Variants in NFASC observed in about 807,000 individuals in gnomAD.
The protein encoded by NFASC is neurofascin.
NFASC carries 43 observed loss-of-function variants against 147.5 expected under a neutral mutation model. The observed-to-expected ratio is 0.29, with a 90% CI of 0.23 to 0.38. The LOEUF (loss-of-function observed/expected upper bound fraction) is 0.38. Ranked by LOEUF, NFASC falls within the 10% of genes least tolerant of loss-of-function variation. NFASC has a pLI of 1.00. For missense variants in NFASC, 1,320 were observed against 1,689.0 expected, an observed-to-expected ratio of 0.78 and a Z score of 3.83; for synonymous variants, 622 against 665.5, an observed-to-expected ratio of 0.93 and a Z score of 1.01.
chr1:204,926,432 T>G (rs1370353613), intron 2 of NFASC, among the ~76,000 whole-genome samples: 2 of 131,812 alleles, frequency 1.5e-5, no homozygotes, highest in African/African-American at 2.9e-5. Flanking sequence ...TTTTTTTTTT[T>G]TGAGAGAGGG....
At chr1:204,929,757 C>A (rs2092161519) in intron 2 of NFASC, among the ~76,000 whole-genome samples, 1 of 152,010 alleles carries the variant, frequency 6.6e-6, no homozygotes, top group African/African-American at 2.4e-5. Flanking sequence ...CCTGCCTCTT[C>A]CCCTTCTAAT....
chr1:205,012,768 C>CTGTGTCTT, intron 28 of NFASC, 29 bp from the exon 29 acceptor site: 1 of 1,553,542 alleles, frequency 6.4e-7, no homozygotes, highest in Non-Finnish European at 8.9e-7. Context: ...ATCGTCGTGT[C>CTGTGTCTT]TGTGTCTTTG....
chr1:204,883,712 T>A (rs1282933682), intron 1 of NFASC, among the ~76,000 whole-genome samples: 1 of 152,220 alleles, frequency 6.6e-6, no homozygotes, highest in Non-Finnish European at 1.5e-5. Flanking sequence ...TATCACTGCT[T>A]AGTTCTGCAC....
At chr1:204,857,982 C>T (rs1037091720) in intron 1 of NFASC, among the ~76,000 whole-genome samples, 12 of 143,498 alleles carry the variant, frequency 8.4e-5, no homozygotes, top group Admixed American at 2.9e-4. Flanking sequence ...TGCAATGGCG[C>T]GATCTCAGCT....
At chr1:204,890,951 C>A (rs1444255728) in intron 1 of NFASC, among the ~76,000 whole-genome samples, 2 of 152,170 alleles carry the variant, frequency 1.3e-5, no homozygotes, top group African/African-American at 4.8e-5. Flanking sequence ...ATGGTCTCAC[C>A]CTGGTAGTGG....
At chr1:204,962,124 C>G in intron 8 of NFASC, 1 of 1,613,696 alleles carries the variant, frequency 6.2e-7, no homozygotes, top group Non-Finnish European at 8.5e-7. Flanking sequence ...CTTATAATGA[C>G]TCGTCCTTAA....
At chr1:204,936,192 CTCTTTCTT>C (rs2092812591) in intron 2 of NFASC, among the ~76,000 whole-genome samples, 1 of 115,018 alleles carries the variant, frequency 8.7e-6, no homozygotes, top group South Asian at 2.9e-4. Flanking sequence ...CCCTCTCTCT[CTCTTTCTT>C]TTTCTTTTTT....
At chr1:204,832,943 A>G (rs947788647) in intron 1 of NFASC, among the ~76,000 whole-genome samples, 2 of 152,220 alleles carry the variant, frequency 1.3e-5, no homozygotes, top group African/African-American at 4.8e-5. Context: ...GCTAAGGCCC[A>G]GGTCTAGCTG....
Position 204,846,170 on chromosome 1 carries a change from A to G in NFASC, c.-200+17388A>G, listed in dbSNP as rs999660353. 2.0e-5 allele frequency among the ~76,000 whole-genome samples: 3 copies of G among 151,612 alleles called. No homozygotes were observed. In the South Asian group the frequency reaches 6.3e-4, roughly 32 times the overall value. The stretch of plus-strand genomic sequence containing the variant: ...CCAGGAGTTTGAGGCCAGCCAGAGC[A>G]AGACAGTGAGAAGTGAGATCCTGTC... On this transcript the variant is annotated intron_variant, in intron 1 of 29. Coordinates refer to ENST00000339876, the MANE Select transcript of NFASC (RefSeq NM_001005388.3).
chr1:205,018,366 C>T lies in NFASC; in HGVS notation c.*1827C>T, dbSNP rs146113890. ...AGCAACATTTGCCACATGTTTAAGCCGCAAAGGTATTAGCAATGCTTGCAT... is the reference window on the plus strand; with the variant it reads ...AGCAACATTTGCCACATGTTTAAGCTGCAAAGGTATTAGCAATGCTTGCAT... On this transcript the variant is annotated 3_prime_UTR_variant, in exon 30 of 30. Coordinates refer to ENST00000339876, the MANE Select transcript of NFASC (RefSeq NM_001005388.3). 129 of 152,790 alleles carry T rather than the reference C, an allele frequency of 8.4e-4. 2 individuals are homozygous for T. Among genetic ancestry groups the T allele is most frequent in the East Asian group, 1.2e-3 (6 of 5,194 alleles). The allele number at this position is 152,790 out of a possible 1,614,324, so 9.5% of individuals were successfully genotyped here.
At chr1:204,973,061 T>C (rs182804088) in intron 11 of NFASC, among the ~76,000 whole-genome samples, 22 of 152,308 alleles carry the variant, frequency 1.4e-4, no homozygotes, top group African/African-American at 4.8e-4. Context: ...TTCCATACTC[T>C]AGGCTAGATT....
In NFASC at chr1:204,944,118, T is replaced by C. The variant is rs568480715; in HGVS notation, c.-90-108T>C. ...AAGAAACTCTGCTCTATCTAGAACA[T>C]TACTCTGTGACCAAGGGGGCTCTTC... is the stretch of plus-strand genomic sequence containing the variant. On this transcript the variant is annotated intron_variant, in intron 2 of 29. Coordinates refer to ENST00000339876, the MANE Select transcript of NFASC (RefSeq NM_001005388.3). 2.3e-3 allele frequency: 2,178 copies of C among 942,816 alleles called. 50 individuals are homozygous for C. In the South Asian group the frequency reaches 0.03, roughly 13 times the overall value. The allele number at this position is 942,816 out of a possible 1,614,324, so 58.4% of individuals were successfully genotyped here. A position where few individuals can be genotyped will look rare whatever the true frequency, so the allele number is the denominator to read the frequency against.
chr1:204,920,737 G>T lies in NFASC; in HGVS notation c.-94G>T. The T allele has an allele frequency of 7.8e-7, 1 of 1,284,874 alleles. No individual in the cohort carries two copies. Among genetic ancestry groups the T allele is most frequent in the South Asian group, 1.2e-5 (1 of 80,940 alleles). 79.6% of individuals were successfully genotyped at this position (1,284,874 alleles called of 1,614,324 possible). A position where few individuals can be genotyped will look rare whatever the true frequency, so the allele number is the denominator to read the frequency against. On this transcript the variant is annotated 5_prime_UTR_variant, in exon 2 of 30. Transcript: ENST00000339876. ...CAAGGAAGAGGCTGAATGAGGCAGA[G>T]AAGGTAAGCAGGACTTGGGCCTGGG... is the stretch of plus-strand genomic sequence containing the variant.
In NFASC at chr1:204,957,711, A is replaced by G. The variant is rs2094493174; in HGVS notation, c.591A>G (p.Leu197=). ...KRVSQGHNGD[L]YFSNVMLQDM... is the part of the protein sequence containing the mutation. Reference sequence around the variant, plus strand: ...TCTCTCAGGGCCATAACGGAGACCTATACTTCTCCAACGTGATGCTGCAGG... The same window carrying G: ...TCTCTCAGGGCCATAACGGAGACCTGTACTTCTCCAACGTGATGCTGCAGG... Residue 197 remains leucine (L), a synonymous_variant, in exon 8 of 30, where the codon CTA becomes CTG. Transcript: ENST00000339876. The G allele has an allele frequency of 1.2e-6, 2 of 1,614,150 alleles. No homozygotes were observed. The highest frequency in any genetic ancestry group is 8.5e-7 in the Non-Finnish European group (1 of 1,180,010).
At position 204,980,448 on chromosome 1, in the gene NFASC, G is replaced by A; in HGVS notation, c.2247+8G>A. The stretch of plus-strand genomic sequence containing the variant: ...ATGGAGATCACGTGGACGGTAAGAG[G>A]CCCTCCCAGCCCCAGTGGAGCAGCT... On this transcript the variant is annotated splice_region_variant and intron_variant, in intron 20 of 29. Coordinates refer to ENST00000339876, the MANE Select transcript of NFASC (RefSeq NM_001005388.3). 2 of 1,606,270 alleles carry A rather than the reference G, an allele frequency of 1.2e-6. No individual in the cohort carries two copies. Among genetic ancestry groups the A allele is most frequent in the Non-Finnish European group, 8.5e-7 (1 of 1,174,650 alleles).
chr1:204,946,872 C>G, intron 3 of NFASC: 1 of 461,724 alleles, frequency 2.2e-6, no homozygotes, highest in Admixed American at 2.2e-5. Flanking sequence ...CGCCCTGGAC[C>G]GCCTCATGGT....
chr1:204,926,148 C>T (rs2149501111), intron 2 of NFASC, among the ~76,000 whole-genome samples: 1 of 151,448 alleles, frequency 6.6e-6, no homozygotes, highest in South Asian at 2.1e-4. Flanking sequence ...TACAAATCCC[C>T]AAACCTAATT....
chr1:204,988,598 C>G, intron 22 of NFASC, 35 bp from the exon 23 acceptor site: 1 of 1,598,888 alleles, frequency 6.3e-7, no homozygotes, highest in South Asian at 1.1e-5. Flanking sequence ...ATAAATGTTG[C>G]TAAAGTTTAA....
rs776121905 is a variant in NFASC, at chr1:205,012,870, C to T, written c.3491+4C>T. 5.8e-5 allele frequency: 93 copies of T among 1,604,784 alleles called. No homozygotes were observed. Among genetic ancestry groups the T allele is most frequent in the East Asian group, 8.9e-5 (4 of 44,850 alleles). On this transcript the variant is annotated splice_donor_region_variant and intron_variant, in intron 29 of 29. Coordinates refer to ENST00000339876, the MANE Select transcript of NFASC (RefSeq NM_001005388.3). Reference sequence around the variant, plus strand: ...AGGATGGCTCATTTGACTATAGGTGCGTGATCTCCCTCCTCCTCTCTCAGG... The same window carrying T: ...AGGATGGCTCATTTGACTATAGGTGTGTGATCTCCCTCCTCCTCTCTCAGG...
Sources: gnomAD v4.1 joint callset for allele counts (sites outside exome capture counted in the v4.1 genomes callset) on GRCh38, gnomAD v4.1.1 for gene constraint, MANE v1.5 for transcripts, NCBI Gene and HGNC (gene_info 2026-07-23, HGNC 2026-07-21) for gene names.